Variants in GPR158 observed in about 807,000 individuals in gnomAD.
The protein encoded by GPR158 is G protein-coupled receptor 158.
GPR158 carries 30 observed loss-of-function variants against 78.2 expected under a neutral mutation model. The observed-to-expected ratio is 0.38, with a 90% CI of 0.29 to 0.52. The LOEUF is 0.52. Ranked by LOEUF, GPR158 falls within the 20% of genes least tolerant of loss-of-function variation. The pLI is 0.83. For missense variants in GPR158, 1,463 were observed against 1,523.5 expected, an observed-to-expected ratio of 0.96 and a Z score of 0.66; for synonymous variants, 581 against 591.1, an observed-to-expected ratio of 0.98 and a Z score of 0.25.
intron 2 of GPR158, among the ~76,000 whole-genome samples, chr10:25,246,616 G>A (rs997297644): frequency 3.3e-5 from 5 of 152,168 alleles, no homozygotes; most frequent in African/African-American, 7.2e-5. Context: ...AGAGCTTGAC[G>A]TTTCATTGGT....
chr10:25,354,076 G>A (rs1328046725), intron 2 of GPR158, among the ~76,000 whole-genome samples: 1 of 151,962 alleles, frequency 6.6e-6, no homozygotes, highest in African/African-American at 2.4e-5. Context: ...ATTAAAGCCT[G>A]GGTGCAGTGG....
chr10:25,211,483 G>A (rs151213264), intron 1 of GPR158, among the ~76,000 whole-genome samples: 78 of 152,196 alleles, frequency 5.1e-4, no homozygotes, highest in African/African-American at 1.8e-3. Flanking sequence ...TGGGGGGAGC[G>A]CATGCACAAG....
chr10:25,360,829 T>C (rs1459438520), intron 2 of GPR158, among the ~76,000 whole-genome samples: 2 of 152,116 alleles, frequency 1.3e-5, no homozygotes, highest in African/African-American at 4.8e-5. Context: ...AGGGATAGCA[T>C]TGTATCTATA....
At chr10:25,180,851 C>T (rs1177349055) in intron 1 of GPR158, among the ~76,000 whole-genome samples, 1 of 150,440 alleles carries the variant, frequency 6.6e-6, no homozygotes, top group Non-Finnish European at 1.5e-5. Flanking sequence ...AATGTTAGAC[C>T]TGGTATTTGG....
chr10:25,527,372 T>C (rs1289555107), intron 5 of GPR158, among the ~76,000 whole-genome samples: 1 of 152,144 alleles, frequency 6.6e-6, no homozygotes, highest in African/African-American at 2.4e-5. Context: ...ATAAACTTTT[T>C]AAAATGGAGA....
chr10:25,247,278 T>A (rs560920994), intron 2 of GPR158, among the ~76,000 whole-genome samples: 3 of 151,796 alleles, frequency 2.0e-5, no homozygotes, highest in South Asian at 2.1e-4. Flanking sequence ...TTCAACAACC[T>A]ATCATGGTTT....
In GPR158 at chr10:25,572,829, C is replaced by T. The variant is rs149572469; in HGVS notation, c.1695C>T (p.Ser565=). The change falls in exon 7 of 11, where the codon TCC becomes TCT. Residue 565 remains serine (S), a synonymous_variant. Coordinates refer to ENST00000376351, the MANE Select transcript of GPR158 (RefSeq NM_020752.3). Reference sequence around the variant, plus strand: ...CACTTATTGGCCAGGGGAAAACATCCGATCACCTCATCTTCAATATGTGCC... The same window carrying T: ...CACTTATTGGCCAGGGGAAAACATCTGATCACCTCATCTTCAATATGTGCC... The part of the protein sequence containing the change: ...QISLIGQGKT[S]DHLIFNMCLI... 2.0e-5 allele frequency: 32 copies of T among 1,613,732 alleles called. No homozygotes were observed. The highest frequency in any genetic ancestry group is 1.3e-4 in the East Asian group (6 of 44,856).
chr10:25,505,448 T>TA (rs1835997565), intron 5 of GPR158, among the ~76,000 whole-genome samples: 1 of 152,228 alleles, frequency 6.6e-6, no homozygotes, highest in Admixed American at 6.5e-5. Flanking sequence ...ATCTTCTAGA[T>TA]CTCCAAGTCC....
intron 2 of GPR158, among the ~76,000 whole-genome samples, chr10:25,267,012 G>T (rs1588766426): frequency 1.3e-5 from 2 of 152,094 alleles, no homozygotes; most frequent in South Asian, 2.1e-4. Flanking sequence ...ATTCTTGAAA[G>T]AAATTGTGTT....
intron 2 of GPR158, among the ~76,000 whole-genome samples, chr10:25,307,561 T>A (rs7901601): frequency 0.2 from 30,698 of 151,784 alleles, 5,241 homozygotes; most frequent in African/African-American, 0.47. Context: ...TTTTTTAATT[T>A]TTTTTATTTT....
At chr10:25,345,023 G>T (rs1428232079) in intron 2 of GPR158, among the ~76,000 whole-genome samples, 1 of 151,862 alleles carries the variant, frequency 6.6e-6, no homozygotes, top group Non-Finnish European at 1.5e-5. Flanking sequence ...ACCTTCCAAA[G>T]ATCTCACCTC....
intron 5 of GPR158, among the ~76,000 whole-genome samples, chr10:25,510,832 A>C (rs1836075270): frequency 6.6e-6 from 1 of 152,220 alleles, no homozygotes; most frequent in African/African-American, 2.4e-5. Flanking sequence ...TTCACTTAGA[A>C]TAATGGTCTC....
At chr10:25,248,957 T>C (rs1322221106) in intron 2 of GPR158, among the ~76,000 whole-genome samples, 1 of 150,780 alleles carries the variant, frequency 6.6e-6, no homozygotes, top group Non-Finnish European at 1.5e-5. Flanking sequence ...GCATGGAATG[T>C]TCTTCCATTT....
chr10:25,377,984 C>G (rs1834105291), intron 2 of GPR158, among the ~76,000 whole-genome samples: 1 of 151,996 alleles, frequency 6.6e-6, no homozygotes, highest in Non-Finnish European at 1.5e-5. Flanking sequence ...ATTTTCAATC[C>G]CACCACAATG....
chr10:25,357,931 C>G (rs537439044), intron 2 of GPR158, among the ~76,000 whole-genome samples: 7 of 152,200 alleles, frequency 4.6e-5, no homozygotes, highest in Admixed American at 3.3e-4. Flanking sequence ...GTGAAAGCAG[C>G]TGGGAGGGAG....
chr10:25,513,362 T>C (rs1180657576), intron 5 of GPR158, among the ~76,000 whole-genome samples: 3 of 152,006 alleles, frequency 2.0e-5, no homozygotes, highest in African/African-American at 4.8e-5. Flanking sequence ...TATTTCTGTG[T>C]TATCAGTTGT....
intron 4 of GPR158, among the ~76,000 whole-genome samples, chr10:25,451,155 A>G (rs1835211299): frequency 6.6e-6 from 1 of 152,234 alleles, no homozygotes. Context: ...CACACAAATC[A>G]TGCTTAAATA....
intron 3 of GPR158, among the ~76,000 whole-genome samples, chr10:25,405,498 C>CTTTTTTTTTTTTTT (rs59695469): frequency 4.4e-5 from 2 of 45,526 alleles, no homozygotes; most frequent in African/African-American, 7.4e-5. Context: ...AAACAATTTC[C>CTTTTTTTTTTTTTT]TTTTTTTTTT....
At chr10:25,525,296 A>G (rs991448569) in intron 5 of GPR158, among the ~76,000 whole-genome samples, 3 of 152,212 alleles carry the variant, frequency 2.0e-5, no homozygotes, top group Non-Finnish European at 4.4e-5. Context: ...AAGGGAAATG[A>G]AAGCATATGT....
Sources: allele counts gnomAD v4.1 joint callset (sites outside exome capture counted in the v4.1 genomes callset), GRCh38; gene constraint gnomAD v4.1.1; transcripts MANE v1.5; gene names NCBI Gene and HGNC (gene_info 2026-07-23, HGNC 2026-07-21).